Variants in BIRC6 observed in about 807,000 individuals in gnomAD.
The protein encoded by BIRC6 is baculoviral IAP repeat containing 6.
Under a neutral mutation model 503.3 loss-of-function variants are expected in BIRC6, and 98 were observed. The ratio of observed to expected loss-of-function variants is 0.19; its 90% CI spans 0.17 to 0.23. The LOEUF (loss-of-function observed/expected upper bound fraction) is 0.23, where lower values mean the gene tolerates loss of function less well. BIRC6 is among the 10% of genes least tolerant of loss of function. The probability of loss-of-function intolerance (pLI) is 1.00; values close to 1 mark genes in which losing one functional copy is unlikely to be tolerated. For synonymous variants in BIRC6, 2,240 were observed against 2,078.7 expected (o/e 1.08, Z -2.11); for missense variants, 5,360 against 5,806.0 (o/e 0.92, Z 2.50).
At chr2:32,380,860 T>C (rs2037538723) in intron 3 of BIRC6, among the ~76,000 whole-genome samples, 1 of 152,200 alleles carries the variant, frequency 6.6e-6, no homozygotes, top group Admixed American at 6.5e-5. Flanking sequence ...TGGACCTGGA[T>C]TGGTCAAGAG....
chr2:32,593,449 T>C (rs758363624), intron 66 of BIRC6, among the ~76,000 whole-genome samples: 4 of 152,306 alleles, frequency 2.6e-5, no homozygotes, highest in Non-Finnish European at 5.9e-5. Flanking sequence ...AAAGATCCAA[T>C]GTATAGAAAC....
chr2:32,604,407 C>A (rs1183497499), intron 71 of BIRC6, among the ~76,000 whole-genome samples: 2 of 152,140 alleles, frequency 1.3e-5, no homozygotes, highest in Non-Finnish European at 2.9e-5. Context: ...CCAGTTCAGA[C>A]AATCCAGTGG....
chr2:32,449,429 ATG>A (rs1452715407), intron 22 of BIRC6, among the ~76,000 whole-genome samples: 2 of 152,202 alleles, frequency 1.3e-5, no homozygotes, highest in Non-Finnish European at 2.9e-5. Context: ...TTTCTAAAGA[ATG>A]TGTTTTTCGG....
rs775058739 is a variant in BIRC6, at chr2:32,469,374, C to G, written c.6128-21C>G. 4 of 1,577,714 alleles carry G rather than the reference C, an allele frequency of 2.5e-6. No individual in the cohort carries two copies. In the South Asian group the frequency reaches 4.6e-5, roughly 18 times the overall value. The stretch of plus-strand genomic sequence containing the variant: ...CAATACATTTAAATAGGAAAGTTTA[C>G]TGTTTTCTTTCTTGTAATAGGACAC... On this transcript the variant is annotated intron_variant, in intron 29 of 73. Coordinates refer to ENST00000421745, the MANE Select transcript of BIRC6 (RefSeq NM_016252.4).
intron 22 of BIRC6, chr2:32,449,165 TTTTG>T: frequency 2.8e-6 from 1 of 360,788 alleles, no homozygotes; most frequent in East Asian, 4.7e-5. Context: ...AATTTTTTGT[TTTTG>T]TTATGCATTT....
chr2:32,381,527 A>G (rs1194077538), intron 3 of BIRC6, among the ~76,000 whole-genome samples: 2 of 147,984 alleles, frequency 1.4e-5, no homozygotes, highest in Non-Finnish European at 3.0e-5. Flanking sequence ...GGTGTGAACC[A>G]CTGCACCTGG....
chr2:32,476,940 C>G (rs1402656427), intron 34 of BIRC6, among the ~76,000 whole-genome samples: 4 of 152,030 alleles, frequency 2.6e-5, no homozygotes, highest in African/African-American at 9.7e-5. Context: ...AGTTTGTAGT[C>G]TTTCTATAAC....
intron 68 of BIRC6, among the ~76,000 whole-genome samples, chr2:32,595,833 C>T (rs563465207): frequency 5.1e-4 from 77 of 152,074 alleles, no homozygotes; most frequent in Admixed American, 9.2e-4. Context: ...TACTTACTTT[C>T]AGGTTTGCCA....
At chr2:32,522,571 A>G (rs2055841738) in intron 57 of BIRC6, 1 of 152,156 alleles carries the variant, frequency 6.6e-6, no homozygotes, top group South Asian at 2.1e-4. Context: ...AATGAATTTT[A>G]CCTTTAAATA....
Position 32,480,398 on chromosome 2 carries a change from T to G in BIRC6, c.7408+781T>G, listed in dbSNP as rs572821133. Among the ~76,000 whole-genome samples, 15 of 152,236 alleles carry G rather than the reference T, an allele frequency of 9.9e-5. No individual in the cohort carries two copies. The East Asian group carries it at 2.9e-3, about 29-fold the overall frequency. Reference sequence around the variant, plus strand: ...TCTGAATTTCTCTTAATTTATTGGATTGGAGAGTTTTATTAATCTTCATGT... The same window carrying G: ...TCTGAATTTCTCTTAATTTATTGGAGTGGAGAGTTTTATTAATCTTCATGT... On this transcript the variant is annotated intron_variant, in intron 37 of 73. Coordinates refer to ENST00000421745, the MANE Select transcript of BIRC6 (RefSeq NM_016252.4).
At chr2:32,408,001 T>C (rs1336985323) in intron 9 of BIRC6, among the ~76,000 whole-genome samples, 3 of 151,996 alleles carry the variant, frequency 2.0e-5, no homozygotes, top group African/African-American at 7.3e-5. Context: ...AGAGTCTTGC[T>C]CTGTTGCCCA....
chr2:32,378,492 C>A (rs922596526), intron 2 of BIRC6, among the ~76,000 whole-genome samples: 1 of 151,248 alleles, frequency 6.6e-6, no homozygotes, highest in East Asian at 1.9e-4. Flanking sequence ...GAGTCTTGCT[C>A]TGTCACCCAG....
At chr2:32,375,605 G>T (rs1271674683) in intron 1 of BIRC6, among the ~76,000 whole-genome samples, 2 of 152,172 alleles carry the variant, frequency 1.3e-5, no homozygotes, top group Non-Finnish European at 2.9e-5. Context: ...CAAATTGCTT[G>T]ATACGTACCA....
chr2:32,464,440 A>G (rs2048316495), intron 24 of BIRC6, 69 bp from the exon 25 acceptor site: 2 of 1,439,886 alleles, frequency 1.4e-6, no homozygotes, highest in South Asian at 2.8e-5. Context: ...ATATATGTCC[A>G]TGTGGTATTC....
At chr2:32,421,276 T>C (rs2042931782) in intron 10 of BIRC6, among the ~76,000 whole-genome samples, 2 of 151,880 alleles carry the variant, frequency 1.3e-5, no homozygotes, top group Admixed American at 6.6e-5. Flanking sequence ...CCAGCTAATT[T>C]TTGTATTTTT....
At chr2:32,464,293 A>T (rs1013787191) in intron 24 of BIRC6, among the ~76,000 whole-genome samples, 2 of 152,226 alleles carry the variant, frequency 1.3e-5, no homozygotes, top group Non-Finnish European at 2.9e-5. Context: ...AAAGAGTCCT[A>T]GTTCCCAAAT....
In BIRC6 at chr2:32,522,027, CT is replaced by C. The variant is rs578020454; in HGVS notation, c.11624-2860del. 2.0e-5 allele frequency: 3 copies of C among 151,924 alleles called. No individual in the cohort carries two copies. In the South Asian group the frequency reaches 6.2e-4, roughly 32 times the overall value. 9.4% of individuals were successfully genotyped at this position (151,924 alleles called of 1,614,324 possible). On this transcript the variant is annotated intron_variant, in intron 57 of 73. Transcript: ENST00000421745. Reference sequence around the variant, plus strand: ...TTTATAATTACAGTTACTTATTAGGCTGTATGAAGTTGTTTGACACCCCAAA... The same window carrying C: ...TTTATAATTACAGTTACTTATTAGGCGTATGAAGTTGTTTGACACCCCAAA...
chr2:32,524,511 A>G (rs1047614035), intron 57 of BIRC6, among the ~76,000 whole-genome samples: 2 of 152,220 alleles, frequency 1.3e-5, no homozygotes, highest in African/African-American at 4.8e-5. Flanking sequence ...TTTGAAAATA[A>G]CATTCATTTC....
chr2:32,552,163 G>T lies in BIRC6; in HGVS notation c.13144+2682G>T, dbSNP rs1335013446. Reference sequence around the variant, plus strand: ...CCATTAATTTTAAATGTCAATTGTGGTTTCTTATTACTGTCCCACACCCTT... The same window carrying T: ...CCATTAATTTTAAATGTCAATTGTGTTTTCTTATTACTGTCCCACACCCTT... On this transcript the variant is annotated intron_variant, in intron 65 of 73. Coordinates refer to ENST00000421745, the MANE Select transcript of BIRC6 (RefSeq NM_016252.4). 3.3e-5 allele frequency among the ~76,000 whole-genome samples: 5 copies of T among 152,114 alleles called. No homozygotes were observed. In the East Asian group the frequency reaches 9.6e-4, roughly 29 times the overall value.
Sources: allele counts gnomAD v4.1 joint callset (sites outside exome capture counted in the v4.1 genomes callset), GRCh38; gene constraint gnomAD v4.1.1; transcripts MANE v1.5; gene names NCBI Gene and HGNC (gene_info 2026-07-23, HGNC 2026-07-21).